GNAQ: variants seen among roughly 807,000 people sequenced by gnomAD.
The protein encoded by GNAQ is G protein subunit alpha q, also known as guanine nucleotide-binding protein G(q) subunit alpha.
GNAQ carries 8 observed loss-of-function variants against 43.9 expected under a neutral mutation model. The observed-to-expected ratio is 0.18, with a 90% CI of 0.11 to 0.33. The LOEUF (loss-of-function observed/expected upper bound fraction) is 0.33. Among genes scored for constraint, GNAQ ranks in the 10% least tolerant of loss-of-function variants. The pLI is 1.00. For missense variants in GNAQ, 158 were observed against 450.8 expected, an observed-to-expected ratio of 0.35 and a Z score of 5.88; for synonymous variants, 155 against 170.7, an observed-to-expected ratio of 0.91 and a Z score of 0.71.
At chr9:77,855,486 C>G (rs1427803541) in intron 2 of GNAQ, among the ~76,000 whole-genome samples, 1 of 152,088 alleles carries the variant, frequency 6.6e-6, no homozygotes, top group Non-Finnish European at 1.5e-5. Context: ...CATGGTATAT[C>G]TATATTACTA....
intron 3 of GNAQ, among the ~76,000 whole-genome samples, chr9:77,811,471 G>T (rs1175126028): frequency 6.6e-6 from 1 of 152,114 alleles, no homozygotes; most frequent in Non-Finnish European, 1.5e-5. Context: ...CACAGAGAAA[G>T]GAATTATTCT....
intron 5 of GNAQ, among the ~76,000 whole-genome samples, chr9:77,762,898 C>T (rs1445666593): frequency 1.3e-5 from 2 of 152,018 alleles, no homozygotes; most frequent in Admixed American, 1.3e-4. Flanking sequence ...TGCTTGAAGG[C>T]AGCATGCTCG....
chr9:77,956,739 C>G (rs554353618), intron 1 of GNAQ, among the ~76,000 whole-genome samples: 1 of 152,262 alleles, frequency 6.6e-6, no homozygotes, highest in South Asian at 2.1e-4. Flanking sequence ...GTGGAGGGGA[C>G]CATTTCCTCT....
rs905859041 is a variant in GNAQ, at chr9:77,717,835, C to G, written c.*3488G>C. 2.6e-5 allele frequency: 6 copies of G among 231,528 alleles called. No homozygotes were observed. The highest frequency in any genetic ancestry group is 4.3e-5 in the Non-Finnish European group (5 of 117,414). 14.3% of individuals were successfully genotyped at this position (231,528 alleles called of 1,614,324 possible). On this transcript the variant is annotated 3_prime_UTR_variant, in exon 7 of 7. Transcript: ENST00000286548. Reference sequence around the variant, plus strand: ...GGTTCTTAAAATTTTTTTTTCCAGTCTATTCATGACATTCAACAGAGCTCT... The same window carrying G: ...GGTTCTTAAAATTTTTTTTTCCAGTGTATTCATGACATTCAACAGAGCTCT...
At chr9:77,883,719 G>C (rs1309991620) in intron 2 of GNAQ, among the ~76,000 whole-genome samples, 1 of 151,746 alleles carries the variant, frequency 6.6e-6, no homozygotes, top group Non-Finnish European at 1.5e-5. Context: ...CTTCTGCACT[G>C]AGTCTGTGGA....
At chr9:77,970,054 A>G (rs1367876812) in intron 1 of GNAQ, among the ~76,000 whole-genome samples, 2 of 152,078 alleles carry the variant, frequency 1.3e-5, no homozygotes, top group African/African-American at 4.8e-5. Context: ...CGCTGTCTCT[A>G]CCAAAAACAC....
At chr9:77,732,209 T>C (rs1825501999) in intron 5 of GNAQ, among the ~76,000 whole-genome samples, 1 of 152,198 alleles carries the variant, frequency 6.6e-6, no homozygotes, top group African/African-American at 2.4e-5. Context: ...GGGATCAATG[T>C]ACGAGCCACG....
At position 77,725,962 on chromosome 9, in the gene GNAQ, T is replaced by C. The variant is rs1468293349; in HGVS notation, c.889+2552A>G. On this transcript the variant is annotated intron_variant, in intron 6 of 6. Transcript: ENST00000286548. ...TGGGGTGTTGTGTATGGTGTGGCAA[T>C]TTCTCACACGCTGATTCTTACCAAG... 3.3e-5 allele frequency among the ~76,000 whole-genome samples: 5 copies of C among 152,262 alleles called. No homozygotes were observed. In the South Asian group the frequency reaches 8.3e-4, roughly 25 times the overall value.
At chr9:77,875,954 C>T (rs1435764560) in intron 2 of GNAQ, among the ~76,000 whole-genome samples, 1 of 152,136 alleles carries the variant, frequency 6.6e-6, no homozygotes, top group Non-Finnish European at 1.5e-5. Flanking sequence ...AGCAGCATTT[C>T]CCCAAATCCA....
intron 5 of GNAQ, among the ~76,000 whole-genome samples, chr9:77,779,879 A>G (rs1826364492): frequency 6.6e-6 from 1 of 151,914 alleles, no homozygotes; most frequent in African/African-American, 2.4e-5. Context: ...AATAAAACAG[A>G]CAATCTGAAT....
At chr9:77,774,444 T>C (rs968773730) in intron 5 of GNAQ, among the ~76,000 whole-genome samples, 1 of 152,118 alleles carries the variant, frequency 6.6e-6, no homozygotes, top group African/African-American at 2.4e-5. Flanking sequence ...CTGCCTAAAA[T>C]GCCTTTTAAA....
intron 2 of GNAQ, among the ~76,000 whole-genome samples, chr9:77,906,286 A>C (rs1587400759): frequency 6.6e-6 from 1 of 152,318 alleles, no homozygotes; most frequent in South Asian, 2.1e-4. Context: ...AGTATTCAAA[A>C]ATGTAGATTA....
chr9:77,759,638 A>G (rs182046438), intron 5 of GNAQ, among the ~76,000 whole-genome samples: 9 of 152,216 alleles, frequency 5.9e-5, no homozygotes, highest in African/African-American at 2.2e-4. Context: ...CTCCTTCAAT[A>G]CGTAACTTAG....
intron 5 of GNAQ, among the ~76,000 whole-genome samples, chr9:77,781,972 C>T (rs1342939157): frequency 6.6e-6 from 1 of 152,016 alleles, no homozygotes; most frequent in Non-Finnish European, 1.5e-5. Context: ...AGGATGTCTC[C>T]TCTCAACACT....
intron 5 of GNAQ, among the ~76,000 whole-genome samples, chr9:77,756,441 G>A (rs1490401579): frequency 6.6e-6 from 1 of 152,222 alleles, no homozygotes; most frequent in Non-Finnish European, 1.5e-5. Context: ...TCCTCTAGGA[G>A]AATTATAGCC....
intron 1 of GNAQ, among the ~76,000 whole-genome samples, chr9:78,022,553 C>T (rs962201003): frequency 1.3e-5 from 2 of 152,178 alleles, no homozygotes; most frequent in African/African-American, 4.8e-5. Context: ...AAAACTTTCA[C>T]AAAATTAGTC....
chr9:77,810,219 TATCTATCTATCTATC>T (rs1564117285), intron 3 of GNAQ, among the ~76,000 whole-genome samples: 1 of 85,578 alleles, frequency 1.2e-5, no homozygotes, highest in Admixed American at 1.1e-4. Flanking sequence ...TCTATCTATC[TATCTATCTATCTATC>T]TATCTATCTA....
At chr9:77,797,736 A>C (rs2118457666) in intron 3 of GNAQ, 88 bp from the exon 4 acceptor site, 1 of 1,155,178 alleles carries the variant, frequency 8.7e-7, no homozygotes, top group Non-Finnish European at 1.3e-6. Context: ...ATGAGTCCTA[A>C]CAGAGAAGTA....
intron 2 of GNAQ, among the ~76,000 whole-genome samples, chr9:77,827,485 A>C (rs1827217972): frequency 6.6e-6 from 1 of 151,460 alleles, no homozygotes; most frequent in Non-Finnish European, 1.5e-5. Flanking sequence ...TTTATTTTTG[A>C]AACGCTTTCA....
Sources: allele counts gnomAD v4.1 joint callset (sites outside exome capture counted in the v4.1 genomes callset), GRCh38; gene constraint gnomAD v4.1.1; transcripts MANE v1.5; gene names NCBI Gene and HGNC (gene_info 2026-07-23, HGNC 2026-07-21).